Variants in AHCYL2 observed in about 807,000 individuals in gnomAD.
AHCYL2 encodes S-adenosylhomocysteine hydrolase-like protein 2.
A neutral mutation model predicts 81.4 loss-of-function variants in AHCYL2; 28 were observed. That is an observed-to-expected ratio of 0.34 (90% CI 0.25 to 0.47). The LOEUF is 0.47. Ranked by LOEUF, AHCYL2 falls within the 20% of genes least tolerant of loss-of-function variation. The probability of loss-of-function intolerance (pLI) is 1.00; values close to 1 mark genes in which losing one functional copy is unlikely to be tolerated. For synonymous variants in AHCYL2, 272 were observed against 290.2 expected (o/e 0.94, Z 0.64); for missense variants, 551 against 785.1 (o/e 0.70, Z 3.56).
intron 10 of AHCYL2, among the ~76,000 whole-genome samples, chr7:129,409,107 C>A (rs1382977516): frequency 6.6e-6 from 1 of 151,394 alleles, no homozygotes; most frequent in African/African-American, 2.4e-5. Context: ...AAAACACACA[C>A]AGTTAAGAGT....
chr7:129,277,579 C>T (rs973328540), intron 1 of AHCYL2, among the ~76,000 whole-genome samples: 2 of 152,132 alleles, frequency 1.3e-5, no homozygotes, highest in African/African-American at 4.8e-5. Context: ...TGCGCCTGGC[C>T]TCTCCTGTCT....
chr7:129,270,377 A>G (rs1254257153), intron 1 of AHCYL2, among the ~76,000 whole-genome samples: 1 of 152,202 alleles, frequency 6.6e-6, no homozygotes, highest in Non-Finnish European at 1.5e-5. Flanking sequence ...CCTTGGACCT[A>G]TGGGTCCTGT....
chr7:129,326,067 A>G (rs547614213), intron 1 of AHCYL2, among the ~76,000 whole-genome samples: 1 of 152,240 alleles, frequency 6.6e-6, no homozygotes, highest in East Asian at 1.9e-4. Context: ...TGAATGTCTA[A>G]GATTTTCTTC....
At chr7:129,400,098 A>G (rs1795956645) in intron 5 of AHCYL2, among the ~76,000 whole-genome samples, 192 bp from the exon 6 acceptor site, 1 of 152,186 alleles carries the variant, frequency 6.6e-6, no homozygotes, top group African/African-American at 2.4e-5. Context: ...TAATAAGAGC[A>G]GAATGACCAA....
Position 129,225,206 on chromosome 7 carries a change from C to T in AHCYL2, c.130C>T (p.Pro44Ser). 7.8e-6 allele frequency: 12 copies of T among 1,545,880 alleles called. No homozygotes were observed. The highest frequency in any genetic ancestry group is 1.9e-4 in the Middle Eastern group (1 of 5,288). Residue 44 changes from proline to serine, a missense_variant, in exon 1 of 17, where the codon CCG becomes TCG. Physicochemically the swap from Pro to Ser is moderately conservative, Grantham distance 74 (BLOSUM62 -1). Around this residue, in one of 2 missense-constraint regions of AHCYL2, gnomAD observed 235 missense variants for 242.1 expected, o/e 0.97. Coordinates refer to ENST00000325006, the MANE Select transcript of AHCYL2 (RefSeq NM_015328.4). ...GGCCGCCGTGGGCGCCATGGCCCCC[C>T]CGGCGGGCGGTGGAGACCCTGAGGC... Reference protein sequence around the residue: ...STAAVGAMAPPAGGGDPEAPA... With the variant: ...STAAVGAMAPSAGGGDPEAPA...
chr7:129,258,554 T>C, intron 1 of AHCYL2, among the ~76,000 whole-genome samples: 1 of 88,896 alleles, frequency 1.1e-5, no homozygotes, highest in East Asian at 3.7e-4. Flanking sequence ...TTATTTATCT[T>C]GCTTTTTTTT....
intron 1 of AHCYL2, among the ~76,000 whole-genome samples, chr7:129,364,920 AAC>A (rs759420996): frequency 2.0e-5 from 3 of 152,236 alleles, no homozygotes; most frequent in Non-Finnish European, 4.4e-5. Context: ...ATAAATATAA[AAC>A]AGTGTTCCAA....
intron 1 of AHCYL2, among the ~76,000 whole-genome samples, chr7:129,301,592 T>C (rs1368495214): frequency 2.0e-5 from 3 of 152,224 alleles, no homozygotes; most frequent in Non-Finnish European, 4.4e-5. Context: ...TATCCAGTTT[T>C]CCCAGCACCG....
chr7:129,308,959 A>T (rs899878466), intron 1 of AHCYL2, among the ~76,000 whole-genome samples: 3 of 152,224 alleles, frequency 2.0e-5, no homozygotes, highest in Non-Finnish European at 2.9e-5. Context: ...GGCTGGGCAC[A>T]GTGGCTCATG....
At chr7:129,305,367 G>A (rs1016342777) in intron 1 of AHCYL2, among the ~76,000 whole-genome samples, 2 of 152,148 alleles carry the variant, frequency 1.3e-5, no homozygotes, top group Non-Finnish European at 2.9e-5. Flanking sequence ...GGCTGAGGCA[G>A]CAGAATCGCT....
chr7:129,226,232 C>T (rs556452216), intron 1 of AHCYL2, among the ~76,000 whole-genome samples: 1 of 152,334 alleles, frequency 6.6e-6, no homozygotes, highest in African/African-American at 2.4e-5. Flanking sequence ...TCTTAGGCGT[C>T]AGCTTCTTTC....
At chr7:129,413,431 G>A (rs557032797) in intron 11 of AHCYL2, among the ~76,000 whole-genome samples, 163 bp from the exon 12 acceptor site, 41 of 150,902 alleles carry the variant, frequency 2.7e-4, no homozygotes, top group Non-Finnish European at 4.7e-4. Flanking sequence ...ATGAGCCACC[G>A]CGCCTGGCCT....
At chr7:129,249,666 C>T (rs1795184436) in intron 1 of AHCYL2, among the ~76,000 whole-genome samples, 1 of 152,074 alleles carries the variant, frequency 6.6e-6, no homozygotes, top group Non-Finnish European at 1.5e-5. Context: ...ACCTCATGAT[C>T]CACCCGCCTC....
chr7:129,225,451 G>A lies in AHCYL2; in HGVS notation c.363+12G>A. The A allele has an allele frequency of 6.7e-7, 1 of 1,501,104 alleles. No individual in the cohort carries two copies. The highest frequency in any genetic ancestry group is 8.8e-7 in the Non-Finnish European group (1 of 1,131,166). 93.0% of individuals were successfully genotyped at this position (1,501,104 alleles called of 1,614,324 possible). On this transcript the variant is annotated intron_variant, in intron 1 of 16. Transcript: ENST00000325006. ...GCACAGTCAAGAAGGTACTGGGGCC[G>A]GGCTGCCTCTCTAGGAGAGGAAGGG...
rs986331545 is a variant in AHCYL2 at position 129,427,048 on chromosome 7, TC to T, written c.*5del. ...TTCTTTTTCCCTCCAGGTATTAAGTTCCTGTAACTCAAACCAGAATTTTTAA... is the reference window on the plus strand; with the variant it reads ...TTCTTTTTCCCTCCAGGTATTAAGTTCTGTAACTCAAACCAGAATTTTTAA... On this transcript the variant is annotated 3_prime_UTR_variant, in exon 17 of 17. Coordinates refer to ENST00000325006, the MANE Select transcript of AHCYL2 (RefSeq NM_015328.4). The surrounding 1 kb of genome is among the most constrained non-coding windows in gnomAD (Gnocchi z 5.5). 1 of 1,609,756 alleles carries T rather than the reference TC, an allele frequency of 6.2e-7. No individual in the cohort carries two copies. Among genetic ancestry groups the T allele is most frequent in the African/African-American group, 1.3e-5 (1 of 74,794 alleles).
At chr7:129,378,766 A>T (rs1282201305) in intron 1 of AHCYL2, among the ~76,000 whole-genome samples, 1 of 152,230 alleles carries the variant, frequency 6.6e-6, no homozygotes, top group African/African-American at 2.4e-5. Flanking sequence ...GCTTACAAAT[A>T]TGATAATCTC....
intron 1 of AHCYL2, among the ~76,000 whole-genome samples, chr7:129,326,351 A>G (rs564887417): frequency 3.9e-5 from 6 of 152,014 alleles, no homozygotes; most frequent in African/African-American, 1.4e-4. Flanking sequence ...ACATGGTAAA[A>G]CCCCATCTCT....
intron 1 of AHCYL2, among the ~76,000 whole-genome samples, chr7:129,322,223 T>G (rs1798063233): frequency 6.6e-6 from 1 of 152,198 alleles, no homozygotes; most frequent in East Asian, 1.9e-4. Context: ...CACTGCAACC[T>G]CTTCCTCCTG....
chr7:129,233,577 T>A (rs898582223), intron 1 of AHCYL2, among the ~76,000 whole-genome samples: 9 of 152,126 alleles, frequency 5.9e-5, no homozygotes, highest in African/African-American at 2.2e-4. Flanking sequence ...AACCTCCGCC[T>A]CCCGGGTTCA....
Sources: allele counts gnomAD v4.1 joint callset (sites outside exome capture counted in the v4.1 genomes callset), GRCh38; gene constraint gnomAD v4.1.1; regional missense constraint gnomAD v4.1.1; non-coding constraint Gnocchi (gnomAD v3.1); transcripts MANE v1.5; gene names NCBI Gene and HGNC (gene_info 2026-07-23, HGNC 2026-07-21).